The following BSPH1 variants were observed in gnomAD, a reference collection of about 807,000 sequenced individuals.
BSPH1 encodes the protein binder of sperm 1.
A neutral mutation model predicts 22.5 loss-of-function variants in BSPH1; 21 were observed. That is an observed-to-expected ratio of 0.93 (90% CI 0.66 to 1.35). The LOEUF (loss-of-function observed/expected upper bound fraction) is 1.35, where lower values mean the gene tolerates loss of function less well. BSPH1 is among the 40% of genes most tolerant of loss of function. The pLI is 0.00. For missense variants in BSPH1, 141 were observed against 154.2 expected, an observed-to-expected ratio of 0.91 and a Z score of 0.45; for synonymous variants, 42 against 53.6, an observed-to-expected ratio of 0.78 and a Z score of 0.95.
intron 1 of BSPH1, among the ~76,000 whole-genome samples, chr19:47,984,310 T>C (rs1969448957): frequency 6.6e-6 from 1 of 151,146 alleles, no homozygotes; most frequent in Non-Finnish European, 1.5e-5. Flanking sequence ...AGAATACTTA[T>C]ACAAAACTGG....
rs775934134 is a variant in BSPH1 at position 47,980,922 on chromosome 19, C to T, written c.93G>A (p.Val31=). The T allele has an allele frequency of 6.8e-7, 1 of 1,462,876 alleles. No homozygotes were observed. The highest frequency in any genetic ancestry group is 9.2e-7 in the Non-Finnish European group (1 of 1,092,084). The allele number at this position is 1,462,876 out of a possible 1,614,324, so 90.6% of individuals were successfully genotyped here. Residue 31 remains valine (V), a splice_region_variant and synonymous_variant, in exon 2 of 6, where the codon GTG becomes GTA. Coordinates refer to ENST00000344839, the MANE Select transcript of BSPH1 (RefSeq NM_001128326.2). ...PVILNELSST[V]ETITHFPEVT... ...ATAAAAGTTTTTTGATCAACTCACC[C>T]ACAGTTGATGATAATTCATCTGAAA...
chr19:47,984,798 C>T (rs953894761), intron 1 of BSPH1, among the ~76,000 whole-genome samples: 11 of 151,964 alleles, frequency 7.2e-5, no homozygotes, highest in East Asian at 3.9e-4. Flanking sequence ...TATTGATGGC[C>T]GGGTGCAGTG....
chr19:47,976,585 AAAAAAAAAAAAC>A, intron 5 of BSPH1, 113 bp downstream of exon 5: 2 of 612,832 alleles, frequency 3.3e-6, no homozygotes, highest in Non-Finnish European at 5.2e-6. Context: ...CATCCCAGAA[AAAAAAAAAAAAC>A]AAAAAAAAAC....
rs1251918461 is a variant in BSPH1, at chr19:47,979,705, T to TTA, written c.95-107_95-106insTA. 1,189 of 523,318 alleles carry TTA rather than the reference T, an allele frequency of 2.3e-3. 3 individuals are homozygous for TTA. Among genetic ancestry groups the TTA allele is most frequent in the Non-Finnish European group, 3.2e-3 (956 of 296,464 alleles). The allele number at this position is 523,318 out of a possible 1,614,324, so 32.4% of individuals were successfully genotyped here. ...ATAAAAATGTTAGTTTAGGAAAAAG[T>TTA]GATATTGTTATGGCATTATGTTTTC... On this transcript the variant is annotated intron_variant, in intron 2 of 5. Coordinates refer to ENST00000344839, the MANE Select transcript of BSPH1 (RefSeq NM_001128326.2).
chr19:47,979,413 C>T (rs1163247885), intron 3 of BSPH1, among the ~76,000 whole-genome samples, 157 bp downstream of exon 3: 2 of 151,982 alleles, frequency 1.3e-5, no homozygotes, highest in Middle Eastern at 3.2e-3. Context: ...GACTTCTATA[C>T]CTCTGTTTTC....
chr19:47,968,479 TC>T (rs1432103273), intron 5 of BSPH1, among the ~76,000 whole-genome samples: 7 of 151,258 alleles, frequency 4.6e-5, no homozygotes, highest in Non-Finnish European at 8.8e-5. Flanking sequence ...TGCCTCAGCC[TC>T]CTGTGTAGCT....
chr19:47,990,118 CAAAAAAAAAA>C (rs11329791), intron 1 of BSPH1, among the ~76,000 whole-genome samples: 1,990 of 99,776 alleles, frequency 0.02, 54 homozygotes, highest in African/African-American at 0.069. Flanking sequence ...GACTCCATCT[CAAAAAAAAAA>C]AAAAAAAAAA....
intron 1 of BSPH1, among the ~76,000 whole-genome samples, chr19:47,983,780 C>T (rs1338165613): frequency 1.3e-5 from 2 of 152,060 alleles, no homozygotes; most frequent in African/African-American, 4.8e-5. Context: ...AATTTAATGA[C>T]AGTGATACAA....
intron 1 of BSPH1, chr19:47,981,864 A>T (rs1456709812): frequency 8.1e-6 from 3 of 370,194 alleles, no homozygotes; most frequent in Non-Finnish European, 1.1e-5. Flanking sequence ...TTAGAACTTG[A>T]ATTTTTTGTT....
chr19:47,984,742 T>C (rs1389942324), intron 1 of BSPH1, among the ~76,000 whole-genome samples: 1 of 152,076 alleles, frequency 6.6e-6, no homozygotes, highest in Non-Finnish European at 1.5e-5. Flanking sequence ...CACTGGGGAT[T>C]ACAAAAGTGG....
chr19:47,986,321 T>G (rs1374841369), intron 1 of BSPH1, among the ~76,000 whole-genome samples: 1 of 152,136 alleles, frequency 6.6e-6, no homozygotes, highest in East Asian at 1.9e-4. Flanking sequence ...AGAGCACTGG[T>G]GAAGAGCAAT....
intron 5 of BSPH1, among the ~76,000 whole-genome samples, 154 bp downstream of exon 5, chr19:47,976,556 T>A (rs1969364633): frequency 7.0e-6 from 1 of 143,764 alleles, no homozygotes; most frequent in Non-Finnish European, 1.5e-5. Flanking sequence ...TTATTTATAG[T>A]TAGATCACCT....
chr19:47,985,368 AG>A (rs1030640229), intron 1 of BSPH1, among the ~76,000 whole-genome samples: 2 of 152,166 alleles, frequency 1.3e-5, no homozygotes, highest in Non-Finnish European at 2.9e-5. Context: ...GAGAAAAAAA[AG>A]TCTTCAATCT....
At chr19:47,979,163 C>T (rs1031949693) in intron 3 of BSPH1, among the ~76,000 whole-genome samples, 1 of 151,866 alleles carries the variant, frequency 6.6e-6, no homozygotes, top group Admixed American at 6.6e-5. Flanking sequence ...CTTCTTCTTC[C>T]TTCCTCCCTC....
chr19:47,982,612 C>T (rs1292130142), intron 1 of BSPH1, among the ~76,000 whole-genome samples: 1 of 152,040 alleles, frequency 6.6e-6, no homozygotes, highest in African/African-American at 2.4e-5. Context: ...GGTATATATA[C>T]AAAATAATTG....
chr19:47,977,425 C>T lies in BSPH1; in HGVS notation c.204G>A (p.Trp68Ter). ...CTTCGTAGGTCTTGTTTAACGAGCA[C>T]CACTTGTGTCTTGCCTTGGACTTGA... ...DCIKSKARHK[W>*]CSLNKTYEGY... Residue 68 changes from tryptophan to a stop codon, truncating the protein, a stop_gained, in exon 4 of 6, where the codon TGG becomes TGA. Transcript: ENST00000344839. LOFTEE classifies it high-confidence loss of function. The T allele has an allele frequency of 6.4e-7, 1 of 1,552,132 alleles. No individual in the cohort carries two copies. Among genetic ancestry groups the T allele is most frequent in the East Asian group, 2.4e-5 (1 of 40,906 alleles).
chr19:47,974,949 A>T (rs148127839), intron 5 of BSPH1, among the ~76,000 whole-genome samples: 1 of 152,228 alleles, frequency 6.6e-6, no homozygotes, highest in East Asian at 1.9e-4. Context: ...TTGTCACAAG[A>T]TTACTTTTCC....
At chr19:47,985,652 T>C (rs1026676848) in intron 1 of BSPH1, among the ~76,000 whole-genome samples, 4 of 151,824 alleles carry the variant, frequency 2.6e-5, no homozygotes, top group Admixed American at 6.6e-5. Flanking sequence ...CTGGCCAACA[T>C]GGTGAAACCC....
intron 1 of BSPH1, among the ~76,000 whole-genome samples, chr19:47,986,463 G>A (rs1260823737): frequency 6.6e-6 from 1 of 152,096 alleles, no homozygotes; most frequent in Non-Finnish European, 1.5e-5. Flanking sequence ...TACTGGTCAG[G>A]CATGGTGATT....
Sources: gnomAD v4.1 joint callset for allele counts (sites outside exome capture counted in the v4.1 genomes callset) on GRCh38, gnomAD v4.1.1 for gene constraint, MANE v1.5 for transcripts, NCBI Gene and HGNC (gene_info 2026-07-23, HGNC 2026-07-21) for gene names.